The following VPS51 variants were observed in gnomAD, a reference collection of about 807,000 sequenced individuals.
The protein encoded by VPS51 is VPS51 subunit of GARP complex.
VPS51 carries 55 observed loss-of-function variants against 65.1 expected under a neutral mutation model. The observed-to-expected ratio is 0.84, with a 90% confidence interval of 0.68 to 1.06. The LOEUF is 1.06. Ranked by LOEUF, VPS51 falls within the 50% of genes least tolerant of loss-of-function variation. VPS51 has a pLI of 0.00. For missense variants in VPS51, 943 were observed against 1,101.6 expected (o/e 0.86, Z 2.04); for synonymous variants, 473 against 489.5 (o/e 0.97, Z 0.44).
intron 9 of VPS51, chr11:65,110,986 T>A: frequency 1.5e-6 from 1 of 681,636 alleles, no homozygotes; most frequent in South Asian, 1.8e-5. Flanking sequence ...TCTTGGTGTA[T>A]GCCCAGCCTG....
intron 7 of VPS51, 30 bp downstream of exon 7, chr11:65,109,953 G>C (rs1206187379): frequency 1.3e-6 from 2 of 1,557,008 alleles, no homozygotes; most frequent in Non-Finnish European, 1.7e-6. Context: ...GGGTAGCCCT[G>C]ACGCAGGCTG....
At chr11:65,104,576 CA>C (rs1226195781) in intron 2 of VPS51, among the ~76,000 whole-genome samples, 1 of 152,146 alleles carries the variant, frequency 6.6e-6, no homozygotes, top group African/African-American at 2.4e-5. Context: ...ATTCATGAAA[CA>C]AAAACCCTTT....
At chr11:65,110,952 C>A in intron 9 of VPS51, 171 bp downstream of exon 9, 4 of 741,718 alleles carry the variant, frequency 5.4e-6, no homozygotes, top group South Asian at 1.7e-5. Context: ...GCCCTGCCTC[C>A]AAATCCCACA....
At chr11:65,100,528 T>TG (rs1947800945) in intron 2 of VPS51, among the ~76,000 whole-genome samples, 1 of 132,162 alleles carries the variant, frequency 7.6e-6, no homozygotes, top group East Asian at 2.2e-4. Flanking sequence ...TAGCAGTGTT[T>TG]TTTTTTTTTT....
intron 2 of VPS51, among the ~76,000 whole-genome samples, chr11:65,104,499 T>C (rs2137185830): frequency 6.6e-6 from 1 of 152,332 alleles, no homozygotes; most frequent in East Asian, 1.9e-4. Flanking sequence ...AAATCAAGAA[T>C]AGATGTTGAA....
At position 65,108,949 on chromosome 11, in the gene VPS51, G is replaced by A. The variant is rs567558898; in HGVS notation, c.1443+35G>A. 9 of 1,605,308 alleles carry A rather than the reference G, an allele frequency of 5.6e-6. No individual in the cohort carries two copies. The Admixed American group carries it at 8.5e-5, about 15-fold the overall frequency. ...CTCTTGGGTGTTCCTTGTTCAACCT[G>A]CTGGTTGACCCTCCAAAACCTTTTA... On this transcript the variant is annotated intron_variant, in intron 5 of 9. Coordinates refer to ENST00000279281, the MANE Select transcript of VPS51 (RefSeq NM_013265.4).
Position 65,111,809 on chromosome 11 carries a change from T to A in VPS51, c.*222T>A. On this transcript the variant is annotated 3_prime_UTR_variant, in exon 10 of 10. Coordinates refer to ENST00000279281, the MANE Select transcript of VPS51 (RefSeq NM_013265.4). ...GCCCCCGAGCGCCGATTGGCTGGTG[T>A]GCTGGGCCCAGCATGGGCAGGGGGC... is the stretch of plus-strand genomic sequence containing the variant. 1.0e-6 allele frequency: 1 copy of A among 952,854 alleles called. No homozygotes were observed. Among genetic ancestry groups the A allele is most frequent in the Non-Finnish European group, 1.5e-6 (1 of 655,896 alleles). The allele number at this position is 952,854 out of a possible 1,614,324, so 59.0% of individuals were successfully genotyped here. A position where few individuals can be genotyped will look rare whatever the true frequency, so the allele number is the denominator to read the frequency against.
chr11:65,096,995 C>T lies in VPS51; in HGVS notation c.229-3C>T, dbSNP rs1565307871. The T allele has an allele frequency of 6.2e-7, 1 of 1,613,268 alleles. No homozygotes were observed. Among genetic ancestry groups the T allele is most frequent in the Admixed American group, 1.7e-5 (1 of 60,018 alleles). On this transcript the variant is annotated splice_region_variant and splice_polypyrimidine_tract_variant and intron_variant, in intron 1 of 9. Transcript: ENST00000279281. ...CCGAACACTAACCACCCAACTTCTT[C>T]AGCTGCGTAGAGAGTGCCCTCTGGC...
In VPS51 at chr11:65,108,023, G is replaced by A; in HGVS notation, c.725+1G>A. ...CCCAGCAGCTGCGGCAGCGCTTTAG[G>A]TGTGGCCCCTCTGCCCTGACCCCAG... On this transcript the variant is annotated splice_donor_variant, in intron 4 of 9. Transcript: ENST00000279281. LOFTEE classifies it high-confidence loss of function. The A allele has an allele frequency of 6.6e-7, 1 of 1,518,482 alleles. No homozygotes were observed. Among genetic ancestry groups the A allele is most frequent in the Non-Finnish European group, 8.8e-7 (1 of 1,135,016 alleles). 94.1% of individuals were successfully genotyped at this position (1,518,482 alleles called of 1,614,324 possible). A position where few individuals can be genotyped will look rare whatever the true frequency, so the allele number is the denominator to read the frequency against.
rs758139172 is a variant in VPS51, at chr11:65,107,511, A to G, written c.359-70A>G. On this transcript the variant is annotated intron_variant, in intron 2 of 9. Transcript: ENST00000279281. This position sits in a 1 kb window ranked among gnomAD's most constrained non-coding sequence, Gnocchi z 4.0. The stretch of plus-strand genomic sequence containing the variant: ...TGGGGCGTCTGTGAAGGGGTGGGTG[A>G]GAAGGAGCTGAGGTTGCGCCCGCCC... 8.5e-6 allele frequency: 13 copies of G among 1,522,974 alleles called. No homozygotes were observed. Among genetic ancestry groups the G allele is most frequent in the Non-Finnish European group, 9.7e-6 (11 of 1,130,578 alleles). The allele number at this position is 1,522,974 out of a possible 1,614,324, so 94.3% of individuals were successfully genotyped here. A position where few individuals can be genotyped will look rare whatever the true frequency, so the allele number is the denominator to read the frequency against.
At position 65,096,365 on chromosome 11, in the gene VPS51, C is replaced by A. The variant is rs766029315; in HGVS notation, c.115C>A (p.Leu39Ile). The A allele has an allele frequency of 3.9e-6, 6 of 1,535,006 alleles. No individual in the cohort carries two copies. The highest frequency in any genetic ancestry group is 2.4e-5 in the South Asian group (2 of 82,036). Reference sequence around the variant, plus strand: ...GCGGAAGGCGCACGGGATGCTGAAGCTTTACTACGGCCTCTCGGAAGGGGA... The same window carrying A: ...GCGGAAGGCGCACGGGATGCTGAAGATTTACTACGGCCTCTCGGAAGGGGA... ...RRRKAHGMLK[L>I]YYGLSEGEAA... is the part of the protein sequence containing the mutation. The change falls in exon 1 of 10, where the codon CTT (leucine) becomes ATT (isoleucine). Residue 39 changes from leucine (L) to isoleucine (I), a missense_variant. By Grantham distance (5) the Leu-to-Ile change is conservative. Coordinates refer to ENST00000279281, the MANE Select transcript of VPS51 (RefSeq NM_013265.4).
intron 2 of VPS51, among the ~76,000 whole-genome samples, chr11:65,100,041 T>A (rs2137181127): frequency 6.6e-6 from 1 of 152,214 alleles, no homozygotes; most frequent in East Asian, 1.9e-4. Context: ...AGGCGGAGGT[T>A]GCAGTGAGTC....
In VPS51 at chr11:65,111,539, T is replaced by C. The variant is rs1947902360; in HGVS notation, c.2301T>C (p.Pro767=). 1 of 1,612,304 alleles carries C rather than the reference T, an allele frequency of 6.2e-7. No individual in the cohort carries two copies. The highest frequency in any genetic ancestry group is 8.5e-7 in the Non-Finnish European group (1 of 1,180,016). Residue 767 remains proline, a synonymous_variant, in exon 10 of 10, where the codon CCT becomes CCC. Transcript: ENST00000279281. The stretch of plus-strand genomic sequence containing the variant: ...CTGCTGCCCTGCGCTGCCCAGACCC[T>C]GTGCCCATGGAGCCCAGTGTGGTTG... ...VASAALRCPD[P]VPMEPSVVEV...
chr11:65,097,273 G>C (rs1202532125), intron 2 of VPS51, 146 bp downstream of exon 2: 1 of 1,262,386 alleles, frequency 7.9e-7, no homozygotes, highest in Non-Finnish European at 1.1e-6. Context: ...CCTTTCCTTT[G>C]AGCCTTCGTT....
intron 5 of VPS51, 161 bp from the exon 6 acceptor site, chr11:65,109,119 C>T (rs1947868749): frequency 1.9e-6 from 2 of 1,027,346 alleles, no homozygotes; most frequent in Non-Finnish European, 2.8e-6. Context: ...TGTTGGCTTT[C>T]TCTGCCCCCA....
intron 2 of VPS51, among the ~76,000 whole-genome samples, chr11:65,106,932 C>T (rs1034189828): frequency 2.0e-5 from 3 of 152,014 alleles, no homozygotes; most frequent in Non-Finnish European, 2.9e-5. Flanking sequence ...AGGGTTGTGG[C>T]TTGATGGCAT....
chr11:65,106,561 C>T (rs1284758134), intron 2 of VPS51, among the ~76,000 whole-genome samples: 1 of 152,082 alleles, frequency 6.6e-6, no homozygotes, highest in Non-Finnish European at 1.5e-5. Flanking sequence ...ACCATCCTGG[C>T]TAACATGGTG....
chr11:65,099,998 G>A (rs1352654176), intron 2 of VPS51, among the ~76,000 whole-genome samples: 1 of 152,116 alleles, frequency 6.6e-6, no homozygotes, highest in Non-Finnish European at 1.5e-5. Flanking sequence ...AGCTACTCAG[G>A]AGGCTGAGGC....
intron 9 of VPS51, 99 bp downstream of exon 9, chr11:65,110,880 A>G (rs968199836): frequency 7.0e-7 from 1 of 1,419,062 alleles, no homozygotes; most frequent in Non-Finnish European, 9.9e-7. Flanking sequence ...TCTGTGACCA[A>G]CTGGGGGTGA....
Sources: gnomAD v4.1 joint callset for allele counts (sites outside exome capture counted in the v4.1 genomes callset) on GRCh38, gnomAD v4.1.1 for gene constraint, Gnocchi (gnomAD v3.1) non-coding constraint, MANE v1.5 for transcripts, NCBI Gene and HGNC (gene_info 2026-07-23, HGNC 2026-07-21) for gene names.